Variants in TSPAN19 observed in about 807,000 individuals in gnomAD.
TSPAN19 encodes the protein tetraspanin-19.
TSPAN19 carries 44 observed loss-of-function variants against 35.1 expected under a neutral mutation model. The ratio of observed to expected loss-of-function variants is 1.25; its 90% CI spans 0.98 to 1.61. The LOEUF (loss-of-function observed/expected upper bound fraction) is 1.61, where lower values mean the gene tolerates loss of function less well. TSPAN19 is among the 40% of genes most tolerant of loss of function. The pLI is 0.00. For missense variants in TSPAN19, 290 were observed against 280.0 expected (o/e 1.04, Z -0.26); for synonymous variants, 79 against 92.0 (o/e 0.86, Z 0.81).
chr12:85,027,823 A>G, intron 4 of TSPAN19, 76 bp downstream of exon 4: 1 of 1,383,432 alleles, frequency 7.2e-7, no homozygotes, highest in Non-Finnish European at 9.8e-7. Context: ...GCTAATATAA[A>G]TCAGTATTCA....
In TSPAN19 at chr12:85,017,540, A is replaced by T; in HGVS notation, c.510T>A (p.Asn170Lys). 1 of 1,599,668 alleles carries T rather than the reference A, an allele frequency of 6.3e-7. No individual in the cohort carries two copies. Among genetic ancestry groups the T allele is most frequent in the Non-Finnish European group, 8.5e-7 (1 of 1,171,978 alleles). The change falls in exon 7 of 9, where the codon AAT (asparagine) becomes AAA (lysine). Residue 170 changes from asparagine to lysine, a missense_variant. Asn to Lys is a moderately conservative substitution (Grantham distance 94). Transcript: ENST00000532498. The stretch of plus-strand genomic sequence containing the variant: ...TGCAAGAACATGGCACCTGTCCTGA[A>T]TTTTCTTTGTTCTTATTCTTTATCC... ...TDWIKNKNKE[N>K]SGQVPCSCTK...
rs553030690 is a variant in TSPAN19 at position 85,035,680 on chromosome 12, A to T, written c.-28+524T>A. ...TTAAAAGAAAATTAAAGTAAAAAAT[A>T]TGTTATTAATTAAAATATTATTTTG... On this transcript the variant is annotated intron_variant, in intron 1 of 8. Transcript: ENST00000532498. Among the ~76,000 whole-genome samples, 3 of 152,216 alleles carry T rather than the reference A, an allele frequency of 2.0e-5. No individual in the cohort carries two copies. The South Asian group carries it at 6.2e-4, about 32-fold the overall frequency.
chr12:85,022,614 A>C (rs990302596), intron 5 of TSPAN19, among the ~76,000 whole-genome samples: 2 of 152,132 alleles, frequency 1.3e-5, no homozygotes, highest in African/African-American at 2.4e-5. Flanking sequence ...ACTTGCTGTA[A>C]AGCAAGTTGG....
chr12:85,027,255 T>G (rs984635349), intron 4 of TSPAN19, among the ~76,000 whole-genome samples: 1 of 152,144 alleles, frequency 6.6e-6, no homozygotes, highest in African/African-American at 2.4e-5. Context: ...AAGTTACCTT[T>G]CATGGCAATG....
intron 7 of TSPAN19, chr12:85,016,250 A>G (rs775916128): frequency 4.2e-5 from 12 of 283,802 alleles, no homozygotes; most frequent in Non-Finnish European, 6.5e-5. Context: ...AGACTATTGT[A>G]ATTCATCAGG....
At chr12:85,025,167 A>G (rs12304556) in intron 4 of TSPAN19, among the ~76,000 whole-genome samples, 87,764 of 150,126 alleles carry the variant, frequency 0.58, 27,374 homozygotes, top group African/African-American at 0.82. Context: ...ATGGAGTCTC[A>G]CTCTGTGGCC....
chr12:85,030,346 A>G (rs1357195343), intron 1 of TSPAN19, among the ~76,000 whole-genome samples: 1 of 152,074 alleles, frequency 6.6e-6, no homozygotes, highest in Non-Finnish European at 1.5e-5. Flanking sequence ...AATCCTAACC[A>G]TTAGATAGCC....
intron 5 of TSPAN19, among the ~76,000 whole-genome samples, chr12:85,021,776 G>C (rs1877140285): frequency 6.6e-6 from 1 of 152,066 alleles, no homozygotes; most frequent in Non-Finnish European, 1.5e-5. Context: ...AAAGCTGTTA[G>C]CTCTGGGGTC....
At chr12:85,028,614 AAATT>A (rs1389388965) in intron 3 of TSPAN19, among the ~76,000 whole-genome samples, 1 of 152,202 alleles carries the variant, frequency 6.6e-6, no homozygotes, top group African/African-American at 2.4e-5. Flanking sequence ...ACGGATAAAT[AAATT>A]AAACATGTGG....
Position 85,017,454 on chromosome 12 carries a change from A to G in TSPAN19, c.594+2T>C. Reference sequence around the variant, plus strand: ...CTTGTAGAAGCCTAGATTTATCTTTACCTCAAGGTAAGTTGCATTCAGTGG... The same window carrying G: ...CTTGTAGAAGCCTAGATTTATCTTTGCCTCAAGGTAAGTTGCATTCAGTGG... On this transcript the variant is annotated splice_donor_variant, in intron 7 of 8. Coordinates refer to ENST00000532498, the MANE Select transcript of TSPAN19 (RefSeq NM_001100917.2). LOFTEE classifies it high-confidence loss of function. 6.2e-7 allele frequency: 1 copy of G among 1,605,520 alleles called. No individual in the cohort carries two copies. Among genetic ancestry groups the G allele is most frequent in the Non-Finnish European group, 8.5e-7 (1 of 1,175,790 alleles).
At chr12:85,022,167 C>T (rs1298560085) in intron 5 of TSPAN19, among the ~76,000 whole-genome samples, 2 of 151,796 alleles carry the variant, frequency 1.3e-5, no homozygotes, top group Admixed American at 1.3e-4. Flanking sequence ...AAGCAGCTTT[C>T]CAAAACTTAC....
chr12:85,035,019 G>A (rs965199844), intron 1 of TSPAN19: 1 of 152,168 alleles, frequency 6.6e-6, no homozygotes, highest in South Asian at 2.1e-4. Flanking sequence ...TAGAAGTCTG[G>A]ATAGTTTCAC....
intron 5 of TSPAN19, among the ~76,000 whole-genome samples, chr12:85,021,173 A>G (rs1877101954): frequency 6.6e-6 from 1 of 152,108 alleles, no homozygotes; most frequent in Non-Finnish European, 1.5e-5. Flanking sequence ...TGAATGGAAT[A>G]CAGACACTCA....
intron 5 of TSPAN19, among the ~76,000 whole-genome samples, chr12:85,022,712 AC>A (rs1877191760): frequency 6.6e-6 from 1 of 152,140 alleles, no homozygotes; most frequent in South Asian, 2.1e-4. Flanking sequence ...TATAAGACAG[AC>A]CTTGACTGAA....
At position 85,029,473 on chromosome 12, in the gene TSPAN19, T is replaced by A. The variant is rs61930043; in HGVS notation, c.139+246A>T. Among the ~76,000 whole-genome samples, 3 of 152,248 alleles carry A rather than the reference T, an allele frequency of 2.0e-5. No homozygotes were observed. In the East Asian group the frequency reaches 5.8e-4, roughly 29 times the overall value. On this transcript the variant is annotated intron_variant, in intron 3 of 8. Transcript: ENST00000532498. ...ATATTCTTCTAGCTATTTGTGACTA[T>A]GTAATACATTATTGTTAACTACAGT...
chr12:85,026,718 T>C (rs1365644986), intron 4 of TSPAN19, among the ~76,000 whole-genome samples: 1 of 152,098 alleles, frequency 6.6e-6, no homozygotes, highest in Non-Finnish European at 1.5e-5. Context: ...TATTTACCAA[T>C]ATTTCACAAA....
At chr12:85,018,496 C>T (rs779586228) in intron 6 of TSPAN19, among the ~76,000 whole-genome samples, 1 of 151,806 alleles carries the variant, frequency 6.6e-6, no homozygotes, top group Admixed American at 6.6e-5. Context: ...AGAATTGTTT[C>T]CTCATCATTT....
At position 85,027,895 on chromosome 12, in the gene TSPAN19, G is replaced by T. The variant is rs111583692; in HGVS notation, c.264+4C>A. 5.1e-6 allele frequency: 8 copies of T among 1,558,140 alleles called. No homozygotes were observed. Among genetic ancestry groups the T allele is most frequent in the African/African-American group, 1.4e-5 (1 of 72,990 alleles). On this transcript the variant is annotated splice_donor_region_variant and intron_variant, in intron 4 of 8. Transcript: ENST00000532498. ...AATTCAAACTATTGACATGAAATAC[G>T]TACCACAATTAGGAGCCATCTGATT...
chr12:85,017,663 T>C, intron 6 of TSPAN19, 64 bp from the exon 7 acceptor site: 1 of 1,291,920 alleles, frequency 7.7e-7, no homozygotes, highest in South Asian at 1.5e-5. Flanking sequence ...TATATGAGAT[T>C]AATATTGAAG....
Sources: gnomAD v4.1 joint callset for allele counts (sites outside exome capture counted in the v4.1 genomes callset) on GRCh38, gnomAD v4.1.1 for gene constraint, MANE v1.5 for transcripts, NCBI Gene and HGNC (gene_info 2026-07-23, HGNC 2026-07-21) for gene names.